KCNQ3: variants seen among roughly 807,000 people sequenced by gnomAD.
KCNQ3 encodes the protein potassium voltage-gated channel subfamily KQT member 3.
A neutral mutation model predicts 92.5 loss-of-function variants in KCNQ3; 30 were observed. The observed-to-expected ratio is 0.32, with a 90% confidence interval of 0.24 to 0.44. KCNQ3 has a LOEUF of 0.44. Among genes scored for constraint, KCNQ3 ranks in the 20% least tolerant of loss-of-function variants. The pLI is 1.00. For synonymous variants in KCNQ3, 450 were observed against 468.8 expected (o/e 0.96, Z 0.52); for missense variants, 913 against 1,140.3 (o/e 0.80, Z 2.87).
At chr8:132,233,189 T>C (rs1326526375) in intron 1 of KCNQ3, among the ~76,000 whole-genome samples, 1 of 152,206 alleles carries the variant, frequency 6.6e-6, no homozygotes, top group Non-Finnish European at 1.5e-5. Flanking sequence ...GTAAGAGTAG[T>C]CTAGTCAAAA....
chr8:132,336,148 C>A (rs1438880160), intron 1 of KCNQ3, among the ~76,000 whole-genome samples: 2 of 152,204 alleles, frequency 1.3e-5, no homozygotes, highest in Non-Finnish European at 2.9e-5. Flanking sequence ...ACTGTGCATT[C>A]CCATAGGGCA....
intron 1 of KCNQ3, among the ~76,000 whole-genome samples, chr8:132,213,326 C>T (rs970377526): frequency 1.3e-5 from 2 of 152,176 alleles, no homozygotes; most frequent in Non-Finnish European, 2.9e-5. Flanking sequence ...ACCAAGGTGC[C>T]GCTCTCCTTC....
At chr8:132,141,423 C>G in intron 9 of KCNQ3, 92 bp from the exon 10 acceptor site, 8 of 1,118,668 alleles carry the variant, frequency 7.2e-6, no homozygotes, top group South Asian at 1.3e-5. Context: ...CATTCTCCTC[C>G]AAGGAGAAAT....
chr8:132,232,221 C>A (rs1326179888), intron 1 of KCNQ3, among the ~76,000 whole-genome samples: 1 of 152,140 alleles, frequency 6.6e-6, no homozygotes, highest in Non-Finnish European at 1.5e-5. Flanking sequence ...TACTGTAGCA[C>A]CAGAGCTTCT....
chr8:132,431,136 G>T (rs562542800), intron 1 of KCNQ3, among the ~76,000 whole-genome samples: 1 of 152,192 alleles, frequency 6.6e-6, no homozygotes, highest in South Asian at 2.1e-4. Flanking sequence ...CAGCCTCCTG[G>T]AGGCCTCTTG....
At chr8:132,345,414 T>G (rs1325607284) in intron 1 of KCNQ3, among the ~76,000 whole-genome samples, 1 of 152,204 alleles carries the variant, frequency 6.6e-6, no homozygotes, top group East Asian at 1.9e-4. Context: ...GAGAGCCTAC[T>G]CCGTGCAAGG....
In KCNQ3 at chr8:132,141,178, G is replaced by T; in HGVS notation, c.1416C>A (p.Phe472Leu). ...KPVGLNNKER[F>L]RTAFRMKAYA... ...AGGCTTTCATGCGGAAGGCCGTGCG[G>T]AAACGCTCTTTATTGTTTAAGCCAA... Residue 472 changes from phenylalanine (F) to leucine (L), a missense_variant, in exon 10 of 15, where the codon TTC (phenylalanine) becomes TTA (leucine). Physicochemically the swap from Phe to Leu is conservative, Grantham distance 22. Transcript: ENST00000388996. 6.2e-7 allele frequency: 1 copy of T among 1,614,214 alleles called. No homozygotes were observed. Among genetic ancestry groups the T allele is most frequent in the Middle Eastern group, 1.6e-4 (1 of 6,062 alleles).
At position 132,460,218 on chromosome 8, in the gene KCNQ3, C is replaced by T. The variant is rs114437804; in HGVS notation, c.386+19929G>A. On this transcript the variant is annotated intron_variant, in intron 1 of 14. Coordinates refer to ENST00000388996, the MANE Select transcript of KCNQ3 (RefSeq NM_004519.4). ...AACCAAGGTCTGGATGCCAGGTGTG[C>T]TCACTGCAATCAGGATTTGACTTTC... is the stretch of plus-strand genomic sequence containing the variant. Among the ~76,000 whole-genome samples, 498 of 152,236 alleles carry T rather than the reference C, an allele frequency of 3.3e-3. 3 individuals carry two copies. Among genetic ancestry groups the T allele is most frequent in the African/African-American group, 0.011 (473 of 41,548 alleles).
At chr8:132,290,232 A>G (rs916504978) in intron 1 of KCNQ3, among the ~76,000 whole-genome samples, 1 of 152,210 alleles carries the variant, frequency 6.6e-6, no homozygotes, top group Admixed American at 6.5e-5. Flanking sequence ...GTTAAATTAT[A>G]TCTCATGTCT....
intron 1 of KCNQ3, among the ~76,000 whole-genome samples, chr8:132,277,737 A>G (rs1328768548): frequency 3.3e-5 from 5 of 152,120 alleles, no homozygotes; most frequent in Admixed American, 3.3e-4. Context: ...GCAGTCCCCA[A>G]AGGACGGCCC....
At chr8:132,141,504 C>G (rs1428536071) in intron 9 of KCNQ3, among the ~76,000 whole-genome samples, 173 bp from the exon 10 acceptor site, 1 of 152,166 alleles carries the variant, frequency 6.6e-6, no homozygotes, top group African/African-American at 2.4e-5. Context: ...GGTTCAAATC[C>G]TAGCTCCACA....
At chr8:132,296,222 C>T (rs1817016886) in intron 1 of KCNQ3, among the ~76,000 whole-genome samples, 1 of 152,118 alleles carries the variant, frequency 6.6e-6, no homozygotes, top group African/African-American at 2.4e-5. Flanking sequence ...TTCTCTTGGA[C>T]AGTGCTGCCT....
At chr8:132,134,041 G>T (rs1373165022) in intron 13 of KCNQ3, among the ~76,000 whole-genome samples, 1 of 152,172 alleles carries the variant, frequency 6.6e-6, no homozygotes, top group African/African-American at 2.4e-5. Context: ...AAACAGGTGG[G>T]GCTATTATCA....
intron 1 of KCNQ3, among the ~76,000 whole-genome samples, chr8:132,400,007 G>A (rs1010743286): frequency 6.6e-6 from 1 of 152,180 alleles, no homozygotes; most frequent in Non-Finnish European, 1.5e-5. Flanking sequence ...CCCATGACAA[G>A]GAAGGGGTAG....
At position 132,122,132 on chromosome 8, in the gene KCNQ3, G is replaced by A. The variant is rs546278208; in HGVS notation, c.*7130C>T. On this transcript the variant is annotated 3_prime_UTR_variant, in exon 15 of 15. Coordinates refer to ENST00000388996, the MANE Select transcript of KCNQ3 (RefSeq NM_004519.4). ...GAGAGAATGAGCTTTCCAGGTACAC[G>A]GGCTTTGGTTGAATATGCAGCTCTA... 13 of 152,332 alleles carry A rather than the reference G, an allele frequency of 8.5e-5. No homozygotes were observed. In the South Asian group the frequency reaches 1.0e-3, roughly 12 times the overall value. The allele number at this position is 152,332 out of a possible 1,614,324, so 9.4% of individuals were successfully genotyped here.
chr8:132,404,746 T>C (rs1171893466), intron 1 of KCNQ3, among the ~76,000 whole-genome samples: 1 of 152,210 alleles, frequency 6.6e-6, no homozygotes, highest in Non-Finnish European at 1.5e-5. Flanking sequence ...TCACTGCAGT[T>C]CTACCAGCAG....
At chr8:132,168,495 A>T (rs1291312764) in intron 8 of KCNQ3, among the ~76,000 whole-genome samples, 1 of 152,098 alleles carries the variant, frequency 6.6e-6, no homozygotes, top group African/African-American at 2.4e-5. Flanking sequence ...GGCACCTGCC[A>T]CCAGAACCTT....
At chr8:132,394,880 C>T (rs1243475964) in intron 1 of KCNQ3, among the ~76,000 whole-genome samples, 1 of 152,198 alleles carries the variant, frequency 6.6e-6, no homozygotes, top group African/African-American at 2.4e-5. Context: ...AGAAGATGAA[C>T]TGTGCTTCTG....
At chr8:132,276,723 G>A (rs1816343330) in intron 1 of KCNQ3, among the ~76,000 whole-genome samples, 1 of 152,154 alleles carries the variant, frequency 6.6e-6, no homozygotes, top group African/African-American at 2.4e-5. Context: ...AAGACTGAAT[G>A]CCATGAAGAG....
Sources: gnomAD v4.1 joint callset for allele counts (sites outside exome capture counted in the v4.1 genomes callset) on GRCh38, gnomAD v4.1.1 for gene constraint, MANE v1.5 for transcripts, NCBI Gene and HGNC (gene_info 2026-07-23, HGNC 2026-07-21) for gene names.